The following ASCC2 variants were observed in gnomAD, a reference collection of about 807,000 sequenced individuals.
ASCC2 encodes the protein ASC-1 complex subunit P100.
Under a neutral mutation model 93.5 loss-of-function variants are expected in ASCC2, and 42 were observed. The ratio of observed to expected loss-of-function variants is 0.45; its 90% CI spans 0.35 to 0.58. The LOEUF (loss-of-function observed/expected upper bound fraction) is 0.58, where lower values mean the gene tolerates loss of function less well. ASCC2 is among the 20% of genes least tolerant of loss of function. ASCC2 has a pLI of 0.00. For missense variants in ASCC2, 859 were observed against 977.6 expected, an observed-to-expected ratio of 0.88 and a Z score of 1.62; for synonymous variants, 364 against 384.2, an observed-to-expected ratio of 0.95 and a Z score of 0.62.
intron 18 of ASCC2, among the ~76,000 whole-genome samples, chr22:29,792,170 G>C (rs983453226): frequency 6.6e-6 from 1 of 152,114 alleles, no homozygotes. Flanking sequence ...TGACTCCTAG[G>C]CTCCTGGGCC....
chr22:29,830,977 T>A (rs547721381), intron 2 of ASCC2, among the ~76,000 whole-genome samples: 7 of 152,344 alleles, frequency 4.6e-5, no homozygotes, highest in African/African-American at 1.7e-4. Flanking sequence ...CCAGTCTCCA[T>A]CAGTGTTTCC....
At position 29,814,573 on chromosome 22, in the gene ASCC2, G is replaced by A. The variant is rs544247792; in HGVS notation, c.720+84C>T. ...GAAGAGGCCACTGGGTCCTCTACTG[G>A]GGCAATCTTCCCAGCCTCTGGGTAG... On this transcript the variant is annotated intron_variant, in intron 7 of 19. Transcript: ENST00000307790. The A allele has an allele frequency of 1.0e-4, 120 of 1,187,384 alleles. 5 individuals are homozygous for A. The South Asian group carries it at 1.9e-3, about 19-fold the overall frequency. The allele number at this position is 1,187,384 out of a possible 1,614,324, so 73.6% of individuals were successfully genotyped here. A position where few individuals can be genotyped will look rare whatever the true frequency, so the allele number is the denominator to read the frequency against.
chr22:29,803,534 A>G (rs2059339201), intron 13 of ASCC2, among the ~76,000 whole-genome samples: 1 of 152,150 alleles, frequency 6.6e-6, no homozygotes, highest in East Asian at 1.9e-4. Context: ...CCTGGTTTCT[A>G]CCAATTCTTC....
At chr22:29,819,690 T>C (rs1433177803) in intron 5 of ASCC2, among the ~76,000 whole-genome samples, 3 of 152,146 alleles carry the variant, frequency 2.0e-5, no homozygotes, top group Non-Finnish European at 4.4e-5. Flanking sequence ...CATGAAGCCC[T>C]TCCCAATCTG....
At chr22:29,793,221 G>T (rs2057993452) in intron 17 of ASCC2, 139 bp downstream of exon 17, 5 of 1,200,352 alleles carry the variant, frequency 4.2e-6, no homozygotes, top group South Asian at 2.8e-5. Context: ...GGGCTGGGGT[G>T]GAGGAGCACT....
chr22:29,804,946 A>ACC, intron 12 of ASCC2, 116 bp from the exon 13 acceptor site: 2 of 1,200,156 alleles, frequency 1.7e-6, no homozygotes, highest in Non-Finnish European at 2.4e-6. Context: ...TCTGGGCTAT[A>ACC]TCTAAGTGGT....
chr22:29,832,250 C>T lies in ASCC2; in HGVS notation c.76G>A (p.Ala26Thr), dbSNP rs1397785870. 6.2e-7 allele frequency: 1 copy of T among 1,613,272 alleles called. No homozygotes were observed. The highest frequency in any genetic ancestry group is 2.2e-5 in the East Asian group (1 of 44,884). The change falls in exon 2 of 20, where the codon GCG becomes ACG. Residue 26 changes from alanine to threonine, a missense_variant. Transcript: ENST00000307790. ...GCCTTAAGTGACCGGCTCACCAGCG[C>T]TGGTGAAGTCCTCAGCTTTCCTGTC... is the stretch of plus-strand genomic sequence containing the variant. Reference protein sequence around the residue: ...PKTGKLRTSPALHPEQKADRY... With the variant: ...PKTGKLRTSPTLHPEQKADRY...
At chr22:29,827,937 CTCATTCTTCTG>C (rs2062649719) in intron 2 of ASCC2, among the ~76,000 whole-genome samples, 1 of 115,648 alleles carries the variant, frequency 8.6e-6, no homozygotes, top group African/African-American at 3.6e-5. Context: ...CACCAGGCTA[CTCATTCTTCTG>C]ACACACACAC....
intron 1 of ASCC2, chr22:29,834,119 A>C (rs1461119463): frequency 5.8e-6 from 1 of 171,674 alleles, no homozygotes; most frequent in Non-Finnish European, 1.2e-5. Context: ...TCATTTTATC[A>C]GTGACAAAAC....
intron 14 of ASCC2, among the ~76,000 whole-genome samples, chr22:29,801,664 C>G (rs777351377): frequency 6.6e-6 from 1 of 152,066 alleles, no homozygotes; most frequent in Non-Finnish European, 1.5e-5. Context: ...CTGGGAAGGT[C>G]GTAATGACAG....
chr22:29,794,264 C>T (rs1229494297), intron 15 of ASCC2, among the ~76,000 whole-genome samples: 4 of 151,848 alleles, frequency 2.6e-5, no homozygotes, highest in South Asian at 2.1e-4. Flanking sequence ...GAGGCCGAGG[C>T]GGGTGGATCA....
chr22:29,836,503 G>C (rs1024503659), intron 1 of ASCC2: 1 of 151,922 alleles, frequency 6.6e-6, no homozygotes, highest in African/African-American at 2.4e-5. Flanking sequence ...ATGATAACCT[G>C]GTGGCAGAAA....
At chr22:29,802,492 CA>C (rs67064044) in intron 13 of ASCC2, among the ~76,000 whole-genome samples, 66,709 of 146,516 alleles carry the variant, frequency 0.46, 15,109 homozygotes, top group East Asian at 0.55. Flanking sequence ...GGAAAATAAA[CA>C]AAAAAAAAAA....
At chr22:29,828,164 G>C (rs1035605290) in intron 2 of ASCC2, among the ~76,000 whole-genome samples, 1 of 152,204 alleles carries the variant, frequency 6.6e-6, no homozygotes, top group Non-Finnish European at 1.5e-5. Context: ...CTTCCTCCAA[G>C]GCTCCAAGCA....
At chr22:29,823,903 A>T (rs1056672544) in intron 4 of ASCC2, among the ~76,000 whole-genome samples, 3 of 152,026 alleles carry the variant, frequency 2.0e-5, no homozygotes, top group Non-Finnish European at 2.9e-5. Flanking sequence ...GGAAATTTCC[A>T]TTCTAGGTCA....
At chr22:29,822,180 G>A (rs2061647785) in intron 5 of ASCC2, 155 bp downstream of exon 5, 1 of 903,152 alleles carries the variant, frequency 1.1e-6, no homozygotes, top group Admixed American at 2.3e-5. Flanking sequence ...GTCATTTTGA[G>A]GTGACACTCA....
intron 2 of ASCC2, among the ~76,000 whole-genome samples, chr22:29,826,517 G>T (rs2062351753): frequency 6.6e-6 from 1 of 151,964 alleles, no homozygotes; most frequent in Admixed American, 6.6e-5. Context: ...TTGCCATGTT[G>T]CCCAGGTGGT....
chr22:29,830,145 T>TCAC (rs749183928), intron 2 of ASCC2, among the ~76,000 whole-genome samples: 21 of 152,298 alleles, frequency 1.4e-4, no homozygotes, highest in Middle Eastern at 3.4e-3. Flanking sequence ...CCTGCTGTCA[T>TCAC]CACCATTGTA....
intron 5 of ASCC2, among the ~76,000 whole-genome samples, chr22:29,818,198 T>C (rs2061095777): frequency 6.6e-6 from 1 of 151,648 alleles, no homozygotes; most frequent in Admixed American, 6.6e-5. Context: ...TTGTCAATCC[T>C]CTTACAAGTG....
Sources: allele counts gnomAD v4.1 joint callset (sites outside exome capture counted in the v4.1 genomes callset), GRCh38; gene constraint gnomAD v4.1.1; transcripts MANE v1.5; gene names NCBI Gene and HGNC (gene_info 2026-07-23, HGNC 2026-07-21).